MAGI1: variants seen among roughly 807,000 people sequenced by gnomAD.
The protein encoded by MAGI1 is membrane-associated guanylate kinase, WW and PDZ domain-containing protein 1.
Under a neutral mutation model 139.9 loss-of-function variants are expected in MAGI1, and 58 were observed. That is an observed-to-expected ratio of 0.41 (90% CI 0.34 to 0.52). The LOEUF is 0.52. Ranked by LOEUF, MAGI1 falls within the 20% of genes least tolerant of loss-of-function variation. The pLI, the probability that MAGI1 is intolerant of heterozygous loss-of-function variation, is 0.12. For synonymous variants in MAGI1, 812 were observed against 737.9 expected (o/e 1.10, Z -1.63); for missense variants, 1,874 against 1,901.6 (o/e 0.99, Z 0.27).
chr3:65,413,555 A>G (rs1945959893), intron 12 of MAGI1, among the ~76,000 whole-genome samples: 1 of 152,170 alleles, frequency 6.6e-6, no homozygotes, highest in South Asian at 2.1e-4. Context: ...TTGCTGAAAG[A>G]GTATCTGAAC....
intron 1 of MAGI1, among the ~76,000 whole-genome samples, chr3:65,707,326 T>C (rs1369530433): frequency 3.3e-5 from 5 of 152,148 alleles, no homozygotes; most frequent in Admixed American, 6.5e-5. Flanking sequence ...GCAATTGAGA[T>C]GGCAAAAGAG....
At chr3:66,033,384 T>A (rs2068746201) in intron 1 of MAGI1, among the ~76,000 whole-genome samples, 1 of 152,096 alleles carries the variant, frequency 6.6e-6, no homozygotes, top group South Asian at 2.1e-4. Flanking sequence ...ACAGCAAGTA[T>A]ACGCGTCTCT....
intron 1 of MAGI1, among the ~76,000 whole-genome samples, chr3:65,643,576 C>T (rs1166208628): frequency 6.6e-6 from 1 of 152,108 alleles, no homozygotes; most frequent in Non-Finnish European, 1.5e-5. Context: ...TGATGAGTTT[C>T]ATGGGTTTTC....
intron 5 of MAGI1, among the ~76,000 whole-genome samples, chr3:65,467,345 C>T (rs948385099): frequency 2.0e-5 from 3 of 152,058 alleles, no homozygotes; most frequent in African/African-American, 4.8e-5. Flanking sequence ...GGTTCTAATG[C>T]GGTTTAATTT....
At chr3:65,500,038 A>T (rs558905632) in intron 2 of MAGI1, among the ~76,000 whole-genome samples, 1 of 152,100 alleles carries the variant, frequency 6.6e-6, no homozygotes, top group Non-Finnish European at 1.5e-5. Flanking sequence ...TCACAAAAAA[A>T]CATGCAAACG....
At chr3:65,516,069 G>C (rs1243695983) in intron 2 of MAGI1, among the ~76,000 whole-genome samples, 1 of 152,210 alleles carries the variant, frequency 6.6e-6, no homozygotes, top group East Asian at 1.9e-4. Context: ...GCTGGGTGCA[G>C]TGGCACACAC....
At chr3:65,493,800 C>T (rs1028374431) in intron 2 of MAGI1, among the ~76,000 whole-genome samples, 169 bp from the exon 3 acceptor site, 6 of 152,308 alleles carry the variant, frequency 3.9e-5, no homozygotes, top group East Asian at 3.9e-4. Context: ...TCTAATACAA[C>T]ACAACAGCAT....
At chr3:65,752,410 G>C (rs180946564) in intron 1 of MAGI1, among the ~76,000 whole-genome samples, 182 of 152,150 alleles carry the variant, frequency 1.2e-3, no homozygotes, top group African/African-American at 3.5e-3. Flanking sequence ...ATAATGCATG[G>C]GAAAGTGCTT....
chr3:66,002,146 G>C (rs1377312956), intron 1 of MAGI1, among the ~76,000 whole-genome samples: 2 of 152,126 alleles, frequency 1.3e-5, no homozygotes, highest in Non-Finnish European at 2.9e-5. Context: ...TTCTCCTCAG[G>C]TAAGGATTAA....
chr3:65,608,594 A>T (rs1042511752), intron 2 of MAGI1, among the ~76,000 whole-genome samples: 6 of 152,228 alleles, frequency 3.9e-5, no homozygotes, highest in African/African-American at 1.4e-4. Flanking sequence ...ATACCACTGC[A>T]CATCCACCAA....
intron 1 of MAGI1, among the ~76,000 whole-genome samples, chr3:65,713,230 C>A (rs1031146096): frequency 1.3e-5 from 2 of 152,136 alleles, no homozygotes; most frequent in African/African-American, 4.8e-5. Flanking sequence ...CTTCTGCTTC[C>A]TCTCCCTGCC....
chr3:66,034,042 G>C (rs1219473033), intron 1 of MAGI1, among the ~76,000 whole-genome samples: 1 of 152,032 alleles, frequency 6.6e-6, no homozygotes, highest in Non-Finnish European at 1.5e-5. Context: ...TCTCAATTTT[G>C]GTCTATACCC....
At chr3:65,850,923 A>G (rs924148056) in intron 1 of MAGI1, among the ~76,000 whole-genome samples, 3 of 152,114 alleles carry the variant, frequency 2.0e-5, no homozygotes, top group African/African-American at 4.8e-5. Context: ...CCTGGCCAAC[A>G]TGGTGAAACC....
intron 13 of MAGI1, among the ~76,000 whole-genome samples, chr3:65,395,121 T>C (rs1944278499): frequency 6.6e-6 from 1 of 152,036 alleles, no homozygotes; most frequent in Non-Finnish European, 1.5e-5. Context: ...CTTAACCCAA[T>C]AAATACATAG....
intron 2 of MAGI1, among the ~76,000 whole-genome samples, chr3:65,581,315 A>G (rs955307909): frequency 1.3e-5 from 2 of 152,224 alleles, no homozygotes; most frequent in East Asian, 3.8e-4. Flanking sequence ...AGAAATGTAC[A>G]TGAATAAGAG....
At chr3:65,901,394 G>A (rs886958433) in intron 1 of MAGI1, among the ~76,000 whole-genome samples, 1 of 152,216 alleles carries the variant, frequency 6.6e-6, no homozygotes, top group Non-Finnish European at 1.5e-5. Context: ...ATTGGCTGGA[G>A]ATATGAGCGT....
chr3:65,964,944 C>T (rs185157321), intron 1 of MAGI1, among the ~76,000 whole-genome samples: 1 of 152,226 alleles, frequency 6.6e-6, no homozygotes, highest in African/African-American at 2.4e-5. Context: ...AAACTATATG[C>T]ATATGCATAT....
intron 1 of MAGI1, chr3:65,872,665 C>A (rs926418191): frequency 2.0e-5 from 3 of 152,138 alleles, no homozygotes; most frequent in Admixed American, 1.3e-4. Flanking sequence ...ACAAGCTACC[C>A]AGATGCATAT....
chr3:65,438,117 G>C (rs1392897945), intron 9 of MAGI1, among the ~76,000 whole-genome samples: 1 of 152,148 alleles, frequency 6.6e-6, no homozygotes, highest in Non-Finnish European at 1.5e-5. Context: ...CAAAGATACA[G>C]AATCAACCTA....
Sources: allele counts gnomAD v4.1 joint callset (sites outside exome capture counted in the v4.1 genomes callset), GRCh38; gene constraint gnomAD v4.1.1; transcripts MANE v1.5; gene names NCBI Gene and HGNC (gene_info 2026-07-23, HGNC 2026-07-21).